STXBP5L: variants seen among roughly 807,000 people sequenced by gnomAD.
The protein encoded by STXBP5L is syntaxin binding protein 5L.
In STXBP5L, 65 loss-of-function variants were observed where a neutral mutation model predicts 144.5. The ratio of observed to expected loss-of-function variants is 0.45; its 90% CI spans 0.37 to 0.55. The LOEUF (loss-of-function observed/expected upper bound fraction) is 0.55, where lower values mean the gene tolerates loss of function less well. Ranked by LOEUF, STXBP5L falls within the 20% of genes least tolerant of loss-of-function variation. The pLI is 0.00. For synonymous variants in STXBP5L, 505 were observed against 469.6 expected (o/e 1.08, Z -0.97); for missense variants, 1,298 against 1,405.5 (o/e 0.92, Z 1.22).
chr3:121,005,501 A>G (rs941881363), intron 3 of STXBP5L, among the ~76,000 whole-genome samples: 1 of 152,194 alleles, frequency 6.6e-6, no homozygotes, highest in Non-Finnish European at 1.5e-5. Flanking sequence ...TCACAAAACC[A>G]GCTCCTGGAT....
At chr3:121,195,401 C>T (rs2047880724) in intron 9 of STXBP5L, among the ~76,000 whole-genome samples, 1 of 152,096 alleles carries the variant, frequency 6.6e-6, no homozygotes, top group Admixed American at 6.6e-5. Context: ...AAATTAACAT[C>T]CATCGCGTCA....
chr3:120,956,916 A>T (rs1430526222), intron 3 of STXBP5L, among the ~76,000 whole-genome samples: 3 of 151,888 alleles, frequency 2.0e-5, no homozygotes, highest in African/African-American at 7.2e-5. Context: ...CAATGGAATG[A>T]AGCTTTTACC....
intron 3 of STXBP5L, among the ~76,000 whole-genome samples, chr3:121,039,692 G>C (rs1275900590): frequency 1.3e-5 from 2 of 151,638 alleles, no homozygotes; most frequent in African/African-American, 4.8e-5. Context: ...CATTTGTGAA[G>C]AAAACTTAAT....
intron 4 of STXBP5L, 92 bp downstream of exon 4, chr3:121,041,873 T>C (rs899232257): frequency 2.4e-6 from 2 of 821,586 alleles, no homozygotes; most frequent in Non-Finnish European, 4.1e-6. Flanking sequence ...TGATTCTAAA[T>C]GCTTAAATAT....
At chr3:120,977,334 T>G (rs529715559) in intron 3 of STXBP5L, among the ~76,000 whole-genome samples, 448 of 152,342 alleles carry the variant, frequency 2.9e-3, no homozygotes, top group Non-Finnish European at 5.1e-3. Flanking sequence ...TTTGTTGGTT[T>G]AAAGTCTGTT....
intron 20 of STXBP5L, among the ~76,000 whole-genome samples, chr3:121,364,891 CTA>C (rs2045820338): frequency 6.6e-6 from 1 of 151,598 alleles, no homozygotes; most frequent in Non-Finnish European, 1.5e-5. Context: ...TAATTTCTTT[CTA>C]TTTCTAATTT....
At chr3:121,216,716 TGGGAGA>T (rs1158610769) in intron 10 of STXBP5L, among the ~76,000 whole-genome samples, 2 of 152,218 alleles carry the variant, frequency 1.3e-5, no homozygotes, top group African/African-American at 2.4e-5. Context: ...AGCACTGTGC[TGGGAGA>T]TCTGCTGCTC....
intron 20 of STXBP5L, among the ~76,000 whole-genome samples, chr3:121,376,228 A>G (rs1560035617): frequency 6.6e-6 from 1 of 152,210 alleles, no homozygotes; most frequent in Non-Finnish European, 1.5e-5. Flanking sequence ...GATTTCAGTA[A>G]TCTATACAGC....
At chr3:121,067,995 T>C (rs1484109332) in intron 5 of STXBP5L, among the ~76,000 whole-genome samples, 1 of 152,212 alleles carries the variant, frequency 6.6e-6, no homozygotes, top group African/African-American at 2.4e-5. Flanking sequence ...TTTTAAAAAA[T>C]TAGTCTGACA....
At chr3:121,348,448 G>A (rs1256514252) in intron 20 of STXBP5L, among the ~76,000 whole-genome samples, 3 of 152,088 alleles carry the variant, frequency 2.0e-5, no homozygotes. Context: ...TCAGGCTTTG[G>A]TATCAGGATG....
chr3:120,979,100 C>A (rs577205769), intron 3 of STXBP5L, among the ~76,000 whole-genome samples: 1 of 152,338 alleles, frequency 6.6e-6, no homozygotes, highest in Non-Finnish European at 1.5e-5. Flanking sequence ...ACATTTAAGT[C>A]TGCAGAGGTT....
intron 3 of STXBP5L, among the ~76,000 whole-genome samples, chr3:121,020,803 A>T (rs1238739685): frequency 6.6e-6 from 1 of 151,958 alleles, no homozygotes; most frequent in Non-Finnish European, 1.5e-5. Context: ...ACCAAAATAG[A>T]ATCTACTTAA....
At chr3:120,952,965 AT>A (rs956682815) in intron 2 of STXBP5L, among the ~76,000 whole-genome samples, 82 of 148,152 alleles carry the variant, frequency 5.5e-4, no homozygotes, top group African/African-American at 1.4e-3. Context: ...TGCCCAGCTA[AT>A]TTTTTTTTTT....
At chr3:121,180,534 A>G (rs1002814816) in intron 9 of STXBP5L, among the ~76,000 whole-genome samples, 10 of 152,216 alleles carry the variant, frequency 6.6e-5, no homozygotes, top group African/African-American at 2.2e-4. Flanking sequence ...CAATGAAAAA[A>G]CAAACAAACA....
Position 121,299,812 on chromosome 3 carries a change from C to A in STXBP5L, c.2111-18663C>A, listed in dbSNP as rs112867260. Among the ~76,000 whole-genome samples, 1,023 of 151,888 alleles carry A rather than the reference C, an allele frequency of 6.7e-3. 6 individuals carry two copies. The highest frequency in any genetic ancestry group is 0.013 in the South Asian group (64 of 4,818). On this transcript the variant is annotated intron_variant, in intron 19 of 26. Transcript: ENST00000471454. The stretch of plus-strand genomic sequence containing the variant: ...GACCAGCCGGACCAACATGGCAAAA[C>A]CCTGTCTCTACCAAAAACTACAAAA...
chr3:121,186,139 A>T (rs1290522768), intron 9 of STXBP5L, among the ~76,000 whole-genome samples: 1 of 152,158 alleles, frequency 6.6e-6, no homozygotes, highest in Non-Finnish European at 1.5e-5. Context: ...ATTTTTGCAC[A>T]TCGATTTTGT....
chr3:120,987,108 G>A (rs1168354089), intron 3 of STXBP5L, among the ~76,000 whole-genome samples: 1 of 151,972 alleles, frequency 6.6e-6, no homozygotes, highest in Non-Finnish European at 1.5e-5. Context: ...AGGTAAGATG[G>A]ATTCATATTG....
intron 20 of STXBP5L, among the ~76,000 whole-genome samples, chr3:121,346,403 A>C (rs1360709816): frequency 3.9e-5 from 6 of 152,100 alleles, no homozygotes; most frequent in Non-Finnish European, 4.4e-5. Context: ...ATAGTGCCGC[A>C]ATAAACATAC....
intron 3 of STXBP5L, among the ~76,000 whole-genome samples, chr3:120,969,567 T>A (rs1940003485): frequency 6.6e-6 from 1 of 151,898 alleles, no homozygotes; most frequent in African/African-American, 2.4e-5. Context: ...TCCCATTTAT[T>A]TTTGGTTTTG....
Sources: gnomAD v4.1 joint callset for allele counts (sites outside exome capture counted in the v4.1 genomes callset) on GRCh38, gnomAD v4.1.1 for gene constraint, MANE v1.5 for transcripts, NCBI Gene and HGNC (gene_info 2026-07-23, HGNC 2026-07-21) for gene names.